TSHZ2: variants seen among roughly 807,000 people sequenced by gnomAD.
The protein encoded by TSHZ2 is teashirt homolog 2.
In TSHZ2, 21 loss-of-function variants were observed where a neutral mutation model predicts 74.4. The observed-to-expected ratio is 0.28, with a 90% CI of 0.20 to 0.41. The LOEUF is 0.41. Among genes scored for constraint, TSHZ2 ranks in the 10% least tolerant of loss-of-function variants. TSHZ2 has a pLI of 1.00. For missense variants in TSHZ2, 1,244 were observed against 1,293.5 expected, an observed-to-expected ratio of 0.96 and a Z score of 0.59; for synonymous variants, 540 against 515.3, an observed-to-expected ratio of 1.05 and a Z score of -0.65.
chr20:53,122,331 C>A (rs1986835296), intron 1 of TSHZ2, among the ~76,000 whole-genome samples: 2 of 151,466 alleles, frequency 1.3e-5, no homozygotes, highest in Admixed American at 6.6e-5. Flanking sequence ...ACAATGATTT[C>A]CTCTATCATC....
At chr20:53,073,432 C>A (rs1985260856) in intron 1 of TSHZ2, among the ~76,000 whole-genome samples, 1 of 147,244 alleles carries the variant, frequency 6.8e-6, no homozygotes, top group South Asian at 2.4e-4. Flanking sequence ...ATTCATCTAT[C>A]CCTCCATCCA....
intron 2 of TSHZ2, among the ~76,000 whole-genome samples, chr20:53,396,139 A>G (rs2145669113): frequency 6.6e-6 from 1 of 152,288 alleles, no homozygotes; most frequent in South Asian, 2.1e-4. Context: ...GGGTTTCACC[A>G]TGTTAGCCAG....
At chr20:53,390,952 C>G (rs746122957) in intron 2 of TSHZ2, among the ~76,000 whole-genome samples, 14 of 152,126 alleles carry the variant, frequency 9.2e-5, no homozygotes, top group Non-Finnish European at 2.1e-4. Context: ...GCTTCTTTGG[C>G]AACTACTCAG....
intron 1 of TSHZ2, among the ~76,000 whole-genome samples, chr20:53,085,142 C>A (rs1433070701): frequency 1.3e-5 from 2 of 151,980 alleles, no homozygotes; most frequent in South Asian, 2.1e-4. Context: ...GGGTGGATCA[C>A]CTGAAGTCTC....
chr20:53,361,703 T>C (rs1238084301), intron 2 of TSHZ2, among the ~76,000 whole-genome samples: 1 of 152,230 alleles, frequency 6.6e-6, no homozygotes, highest in East Asian at 1.9e-4. Context: ...CGACATTTAT[T>C]TGGTGGTCAG....
chr20:53,301,358 G>T (rs1381623574), intron 2 of TSHZ2, among the ~76,000 whole-genome samples: 1 of 152,244 alleles, frequency 6.6e-6, no homozygotes, highest in Non-Finnish European at 1.5e-5. Context: ...CTGAAGTTCA[G>T]ATTCTGTCTT....
At chr20:53,438,530 A>G (rs1407326286) in intron 2 of TSHZ2, among the ~76,000 whole-genome samples, 1 of 152,214 alleles carries the variant, frequency 6.6e-6, no homozygotes, top group Non-Finnish European at 1.5e-5. Context: ...TCCCTGGACC[A>G]ATCACTGTGG....
chr20:53,198,591 A>T (rs1247374082), intron 1 of TSHZ2, among the ~76,000 whole-genome samples: 1 of 152,244 alleles, frequency 6.6e-6, no homozygotes. Context: ...ATGTAAGTTA[A>T]TTTATAAGCT....
intron 2 of TSHZ2, among the ~76,000 whole-genome samples, chr20:53,363,583 G>C (rs981479152): frequency 2.6e-5 from 4 of 152,218 alleles, no homozygotes; most frequent in African/African-American, 9.7e-5. Flanking sequence ...ATGCAGAGGA[G>C]ATTCATCAAA....
intron 1 of TSHZ2, among the ~76,000 whole-genome samples, chr20:53,188,883 G>A (rs1293325063): frequency 6.6e-6 from 1 of 152,024 alleles, no homozygotes; most frequent in East Asian, 1.9e-4. Context: ...TGTATACCAG[G>A]CATATATGTA....
intron 2 of TSHZ2, among the ~76,000 whole-genome samples, chr20:53,448,602 T>G (rs1189704511): frequency 6.6e-6 from 1 of 152,196 alleles, no homozygotes; most frequent in East Asian, 1.9e-4. Flanking sequence ...AGTTTCTTGA[T>G]GTTGATTTAT....
chr20:53,081,336 C>T (rs1238962514), intron 1 of TSHZ2, among the ~76,000 whole-genome samples: 1 of 152,194 alleles, frequency 6.6e-6, no homozygotes, highest in African/African-American at 2.4e-5. Flanking sequence ...GCCAATGCTT[C>T]CTTAAAACAT....
chr20:53,375,014 T>C (rs1489200392), intron 2 of TSHZ2, among the ~76,000 whole-genome samples: 1 of 152,064 alleles, frequency 6.6e-6, no homozygotes, highest in African/African-American at 2.4e-5. Context: ...TTTTAAAATC[T>C]ATTTTGAGGC....
chr20:53,300,685 G>A (rs1245341126), intron 2 of TSHZ2, among the ~76,000 whole-genome samples: 1 of 152,174 alleles, frequency 6.6e-6, no homozygotes, highest in Non-Finnish European at 1.5e-5. Flanking sequence ...ATTTGCCTCA[G>A]ATCAGCCCAA....
chr20:53,073,141 AATCCATTC>A (rs1345521339), intron 1 of TSHZ2, among the ~76,000 whole-genome samples: 1 of 114,580 alleles, frequency 8.7e-6, no homozygotes, highest in East Asian at 2.6e-4. Flanking sequence ...TCCATCCCTT[AATCCATTC>A]ATCCATCCCT....
chr20:53,112,796 T>TA (rs1478715662), intron 1 of TSHZ2, among the ~76,000 whole-genome samples: 1 of 152,208 alleles, frequency 6.6e-6, no homozygotes, highest in Non-Finnish European at 1.5e-5. Context: ...GTGCTGAGAT[T>TA]AAAGGCGTGT....
intron 1 of TSHZ2, among the ~76,000 whole-genome samples, chr20:53,076,239 C>G (rs1985360361): frequency 6.6e-6 from 1 of 152,130 alleles, no homozygotes; most frequent in African/African-American, 2.4e-5. Context: ...TGATGAGAGC[C>G]TGGACTGGAT....
intron 1 of TSHZ2, among the ~76,000 whole-genome samples, chr20:52,976,441 A>G (rs1309933007): frequency 6.6e-6 from 1 of 152,168 alleles, no homozygotes; most frequent in Non-Finnish European, 1.5e-5. Context: ...TTGGATGTAT[A>G]TTTCACTCAC....
At chr20:53,138,198 C>A (rs781134055) in intron 1 of TSHZ2, among the ~76,000 whole-genome samples, 1 of 151,892 alleles carries the variant, frequency 6.6e-6, no homozygotes, top group Non-Finnish European at 1.5e-5. Flanking sequence ...CTGGCTAACA[C>A]GGTGAAACCC....
Sources: allele counts gnomAD v4.1 joint callset (sites outside exome capture counted in the v4.1 genomes callset), GRCh38; gene constraint gnomAD v4.1.1; transcripts MANE v1.5; gene names NCBI Gene and HGNC (gene_info 2026-07-23, HGNC 2026-07-21).